The following CDH13 variants were observed in gnomAD, a reference collection of about 807,000 sequenced individuals.
CDH13 encodes the protein cadherin 13.
Under a neutral mutation model 63.8 loss-of-function variants are expected in CDH13, and 24 were observed. The observed-to-expected ratio is 0.38, with a 90% CI of 0.27 to 0.53. The LOEUF is 0.53. CDH13 is among the 20% of genes least tolerant of loss of function. The pLI is 0.85. For missense variants in CDH13, 1,049 were observed against 903.1 expected (o/e 1.16, Z -2.07); for synonymous variants, 503 against 355.3 (o/e 1.42, Z -4.67).
chr16:82,926,901 C>T (rs1296100180), intron 2 of CDH13, among the ~76,000 whole-genome samples: 2 of 152,158 alleles, frequency 1.3e-5, no homozygotes, highest in Admixed American at 6.5e-5. Flanking sequence ...CCATCATAAA[C>T]TTACCATCTT....
intron 4 of CDH13, among the ~76,000 whole-genome samples, chr16:83,212,033 G>A (rs1483107252): frequency 1.3e-5 from 2 of 152,158 alleles, no homozygotes; most frequent in East Asian, 1.9e-4. Context: ...TGCAACAGTC[G>A]AGACTCGTGG....
intron 2 of CDH13, among the ~76,000 whole-genome samples, chr16:82,972,209 A>G (rs1908859199): frequency 1.3e-5 from 2 of 152,070 alleles, no homozygotes; most frequent in Non-Finnish European, 1.5e-5. Flanking sequence ...AATGGAGGAA[A>G]ACAGTCCCTG....
At chr16:83,286,817 T>G (rs2089328801) in intron 5 of CDH13, among the ~76,000 whole-genome samples, 1 of 151,102 alleles carries the variant, frequency 6.6e-6, no homozygotes, top group Non-Finnish European at 1.5e-5. Context: ...TATAAATATA[T>G]TTACATCTAT....
intron 6 of CDH13, among the ~76,000 whole-genome samples, chr16:83,438,471 A>C (rs1055056556): frequency 6.6e-6 from 1 of 152,236 alleles, no homozygotes; most frequent in East Asian, 1.9e-4. Flanking sequence ...GCCCGGTCAC[A>C]GTTGTCTCTT....
Position 83,372,749 on chromosome 16 carries a change from T to TCAAAA in CDH13, c.781+27743_781+27744insCAAAA, listed in dbSNP as rs1555537364. On this transcript the variant is annotated intron_variant, in intron 6 of 13. Transcript: ENST00000567109. ...CCTGGTGACAGAGCGAGACTCGGTCTAAAAAAAAAAAAAAAAAAAAAAAAG... is the reference window on the plus strand; with the variant it reads ...CCTGGTGACAGAGCGAGACTCGGTCTCAAAAAAAAAAAAAAAAAAAAAAAAAAAAG... 3.9e-4 allele frequency among the ~76,000 whole-genome samples: 37 copies of TCAAAA among 95,564 alleles called. 1 individual carries two copies. Among genetic ancestry groups the TCAAAA allele is most frequent in the African/African-American group, 1.1e-3 (26 of 24,114 alleles). 62.7% of individuals were successfully genotyped at this position (95,564 alleles called of 152,430 possible).
At chr16:83,433,509 A>T (rs963626458) in intron 6 of CDH13, among the ~76,000 whole-genome samples, 1 of 152,208 alleles carries the variant, frequency 6.6e-6, no homozygotes, top group African/African-American at 2.4e-5. Context: ...TCCTTGGTGC[A>T]CCTACTAATT....
chr16:83,330,085 A>G (rs1371363738), intron 5 of CDH13, among the ~76,000 whole-genome samples: 5 of 152,228 alleles, frequency 3.3e-5, no homozygotes. Context: ...CATTGCCTTC[A>G]AATAGAAGAG....
At chr16:82,898,401 T>C (rs991721297) in intron 2 of CDH13, among the ~76,000 whole-genome samples, 6 of 152,222 alleles carry the variant, frequency 3.9e-5, no homozygotes, top group African/African-American at 1.4e-4. Flanking sequence ...GGCATGTGCC[T>C]GTAATTCCGG....
At chr16:82,931,683 C>T (rs553731643) in intron 2 of CDH13, among the ~76,000 whole-genome samples, 1 of 152,016 alleles carries the variant, frequency 6.6e-6, no homozygotes, top group African/African-American at 2.4e-5. Context: ...TGGCAGAAGG[C>T]AAAGGCATGA....
At chr16:83,148,614 T>C (rs1044114078) in intron 4 of CDH13, among the ~76,000 whole-genome samples, 36 of 152,190 alleles carry the variant, frequency 2.4e-4, no homozygotes, top group African/African-American at 8.4e-4. Context: ...AAGATAATCT[T>C]TGAGAGTATT....
intron 4 of CDH13, among the ~76,000 whole-genome samples, chr16:83,197,271 GTATATA>G (rs71148817): frequency 4.7e-5 from 7 of 148,014 alleles, no homozygotes; most frequent in African/African-American, 1.7e-4. Flanking sequence ...TGTATCATAG[GTATATA>G]TATATATATA....
chr16:82,870,972 A>C (rs1009704151), intron 2 of CDH13, among the ~76,000 whole-genome samples: 1 of 152,184 alleles, frequency 6.6e-6, no homozygotes, highest in Admixed American at 6.5e-5. Flanking sequence ...CCTGTCCCAC[A>C]TGGGCATCTA....
chr16:83,427,173 C>A (rs1222417350), intron 6 of CDH13, among the ~76,000 whole-genome samples: 1 of 151,954 alleles, frequency 6.6e-6, no homozygotes, highest in East Asian at 1.9e-4. Context: ...CTCAGCCTCC[C>A]AAAGTGCTGG....
chr16:83,069,720 CA>C (rs779594766), intron 3 of CDH13, among the ~76,000 whole-genome samples: 6 of 152,140 alleles, frequency 3.9e-5, no homozygotes, highest in Non-Finnish European at 7.3e-5. Context: ...TGGCTCTCCC[CA>C]AAGGCTCACT....
At chr16:83,348,505 C>A (rs1413778045) in intron 6 of CDH13, among the ~76,000 whole-genome samples, 1 of 152,216 alleles carries the variant, frequency 6.6e-6, no homozygotes. Context: ...GCCAAGGGAA[C>A]AGAAGGGTCC....
chr16:82,857,735 C>T (rs1403620643), intron 1 of CDH13, among the ~76,000 whole-genome samples: 1 of 152,104 alleles, frequency 6.6e-6, no homozygotes, highest in South Asian at 2.1e-4. Flanking sequence ...AAAATATTGT[C>T]ATTTCAACAT....
At chr16:82,711,450 G>A (rs191363121) in intron 1 of CDH13, among the ~76,000 whole-genome samples, 10 of 152,148 alleles carry the variant, frequency 6.6e-5, no homozygotes, top group Non-Finnish European at 1.5e-4. Context: ...TTGGACTCTG[G>A]CCCTTCAAGC....
chr16:82,645,817 A>C (rs76494750), intron 1 of CDH13, among the ~76,000 whole-genome samples: 18,584 of 152,254 alleles, frequency 0.12, 1,191 homozygotes, highest in East Asian at 0.24. Flanking sequence ...TAATTTATGA[A>C]GAAACCAGTA....
At chr16:83,304,245 C>G (rs961549956) in intron 5 of CDH13, among the ~76,000 whole-genome samples, 1 of 152,010 alleles carries the variant, frequency 6.6e-6, no homozygotes, top group Non-Finnish European at 1.5e-5. Flanking sequence ...ATATTTGAAG[C>G]TGAGAAGTAC....
Sources: allele counts gnomAD v4.1 joint callset (sites outside exome capture counted in the v4.1 genomes callset), GRCh38; gene constraint gnomAD v4.1.1; transcripts MANE v1.5; gene names NCBI Gene and HGNC (gene_info 2026-07-23, HGNC 2026-07-21).